CCZ1B: variants seen among roughly 807,000 people sequenced by gnomAD.
CCZ1B encodes CCZ1B vacuolar protein trafficking and biogenesis associated, also known as vacuolar fusion protein CCZ1 homolog B.
CCZ1B carries 25 observed loss-of-function variants against 58.8 expected under a neutral mutation model. That is an observed-to-expected ratio of 0.43 (90% CI 0.31 to 0.59). CCZ1B has a LOEUF of 0.59. CCZ1B is among the 20% of genes least tolerant of loss of function. The pLI is 0.12. For missense variants in CCZ1B, 180 were observed against 501.5 expected, an observed-to-expected ratio of 0.36 and a Z score of 6.12; for synonymous variants, 66 against 173.2, an observed-to-expected ratio of 0.38 and a Z score of 4.86.
At chr7:6,821,320 T>C (rs1239011015) in intron 6 of CCZ1B, among the ~76,000 whole-genome samples, 1 of 150,472 alleles carries the variant, frequency 6.6e-6, no homozygotes, top group Non-Finnish European at 1.5e-5. Flanking sequence ...AAGAGTGCCA[T>C]CTTATACTAA....
chr7:6,800,746 C>T (rs1307421321), intron 14 of CCZ1B, among the ~76,000 whole-genome samples: 1 of 138,956 alleles, frequency 7.2e-6, no homozygotes, highest in Non-Finnish European at 1.5e-5. Flanking sequence ...TTTCTTTCTG[C>T]CATTGCCAAG....
rs182591823 is a variant in CCZ1B, at chr7:6,825,171, C to T, written c.121-434G>A. Among the ~76,000 whole-genome samples, 291 of 149,168 alleles carry T rather than the reference C, an allele frequency of 2.0e-3. 15 individuals are homozygous for T. Among genetic ancestry groups the T allele is most frequent in the African/African-American group, 7.2e-3 (285 of 39,312 alleles). ...ATGCTTGTAAGAAGTAAAGGTGTGC[C>T]CATCTGCAGACACATAGCTCCCTGA... is the stretch of plus-strand genomic sequence containing the variant. On this transcript the variant is annotated intron_variant, in intron 1 of 14. Coordinates refer to ENST00000316731, the MANE Select transcript of CCZ1B (RefSeq NM_198097.5).
chr7:6,820,481 ATTT>A (rs1373094438), intron 6 of CCZ1B, among the ~76,000 whole-genome samples: 1 of 142,110 alleles, frequency 7.0e-6, no homozygotes, highest in Non-Finnish European at 1.5e-5. Flanking sequence ...CTGGCCAAAA[ATTT>A]TTTTTTTTTT....
At chr7:6,813,570 G>C (rs1370497370) in intron 8 of CCZ1B, among the ~76,000 whole-genome samples, 3 of 149,276 alleles carry the variant, frequency 2.0e-5, no homozygotes, top group African/African-American at 5.1e-5. Context: ...TGGAGAGCGG[G>C]AGGACAAGAG....
At chr7:6,819,358 C>A (rs1162371534) in intron 7 of CCZ1B, among the ~76,000 whole-genome samples, 2 of 147,576 alleles carry the variant, frequency 1.4e-5, no homozygotes, top group East Asian at 3.9e-4. Context: ...GCCTCAGCCT[C>A]CTGAGTAGCT....
chr7:6,816,529 T>G (rs1783002554), intron 7 of CCZ1B, among the ~76,000 whole-genome samples: 1 of 150,492 alleles, frequency 6.6e-6, no homozygotes, highest in African/African-American at 2.5e-5. Flanking sequence ...TACATAAGGG[T>G]AATATATACT....
chr7:6,812,856 G>A (rs1224588145), intron 9 of CCZ1B, 120 bp downstream of exon 9: 9 of 1,545,756 alleles, frequency 5.8e-6, no homozygotes, highest in Middle Eastern at 3.7e-4. Flanking sequence ...AGCCCGGGGA[G>A]GCAGAGGTTG....
intron 6 of CCZ1B, among the ~76,000 whole-genome samples, chr7:6,821,551 C>G (rs1783110689): frequency 6.6e-6 from 1 of 152,220 alleles, no homozygotes. Context: ...AAAATAGATA[C>G]AGAAGGTATT....
chr7:6,817,376 C>T (rs1783022733), intron 7 of CCZ1B, among the ~76,000 whole-genome samples: 1 of 151,106 alleles, frequency 6.6e-6, no homozygotes, highest in African/African-American at 2.5e-5. Flanking sequence ...CAGGAGTTTG[C>T]ACCCATGGCG....
chr7:6,810,101 T>A (rs1293889933), intron 10 of CCZ1B, among the ~76,000 whole-genome samples: 2 of 150,646 alleles, frequency 1.3e-5, no homozygotes, highest in East Asian at 3.9e-4. Context: ...AACCTCCGCC[T>A]CGCGGGTACA....
rs139989154 is a variant in CCZ1B at position 6,820,050 on chromosome 7, A to G, written c.523-109T>C. On this transcript the variant is annotated intron_variant, in intron 6 of 14. Transcript: ENST00000316731. ...AGACTCACATTTATGGTACAATTACATACTAGCAAACAGCACAACAATGAG... is the reference window on the plus strand; with the variant it reads ...AGACTCACATTTATGGTACAATTACGTACTAGCAAACAGCACAACAATGAG... The G allele has an allele frequency of 1.8e-3, 2,385 of 1,348,026 alleles. 100 individuals carry two copies. The highest frequency in any genetic ancestry group is 0.014 in the African/African-American group (949 of 66,546). 83.5% of individuals were successfully genotyped at this position (1,348,026 alleles called of 1,614,324 possible).
At chr7:6,816,498 C>T (rs1400308836) in intron 7 of CCZ1B, among the ~76,000 whole-genome samples, 1 of 149,838 alleles carries the variant, frequency 6.7e-6, no homozygotes, top group East Asian at 1.9e-4. Context: ...AAAAAAAAAT[C>T]AAAGCAATAT....
At chr7:6,817,243 G>A (rs556619099) in intron 7 of CCZ1B, among the ~76,000 whole-genome samples, 49 of 151,582 alleles carry the variant, frequency 3.2e-4, no homozygotes, top group Middle Eastern at 6.8e-3. Context: ...AGAGCTGGGC[G>A]CCAGATTGTC....
rs1344576097 is a variant in CCZ1B at position 6,812,391 on chromosome 7, A to AG, written c.843-329dup. The AG allele has an allele frequency of 4.8e-5, 16 of 335,620 alleles. 1 individual carries two copies. The highest frequency in any genetic ancestry group is 7.9e-5 in the Non-Finnish European group (14 of 176,566). 20.8% of individuals were successfully genotyped at this position (335,620 alleles called of 1,614,324 possible). A position where few individuals can be genotyped will look rare whatever the true frequency, so the allele number is the denominator to read the frequency against. ...GCAATCCCAGCTACTAGAGAGGCTG[A>AG]GGCAGGGGAATTGCTTGAACCCAGG... is the stretch of plus-strand genomic sequence containing the variant. On this transcript the variant is annotated intron_variant, in intron 9 of 14. Transcript: ENST00000316731.
intron 7 of CCZ1B, among the ~76,000 whole-genome samples, chr7:6,818,727 G>GAAAGAAAGAAAT (rs1562431565): frequency 4.3e-5 from 6 of 140,798 alleles, no homozygotes; most frequent in East Asian, 2.3e-4. Flanking sequence ...AAGAAAGAAA[G>GAAAGAAAGAAAT]AAAGAAAGAA....
intron 8 of CCZ1B, among the ~76,000 whole-genome samples, chr7:6,813,935 C>T (rs1043831478): frequency 6.7e-6 from 1 of 148,798 alleles, no homozygotes; most frequent in Non-Finnish European, 1.5e-5. Flanking sequence ...CACCTGAGGT[C>T]AGGAGTTCGA....
chr7:6,817,420 A>G (rs1197356200), intron 7 of CCZ1B, among the ~76,000 whole-genome samples: 7 of 150,500 alleles, frequency 4.7e-5, no homozygotes, highest in Non-Finnish European at 1.0e-4. Context: ...TCAGAATCTC[A>G]GCTACCCTTC....
At chr7:6,803,798 C>T (rs1357337001) in intron 12 of CCZ1B, among the ~76,000 whole-genome samples, 1 of 151,194 alleles carries the variant, frequency 6.6e-6, no homozygotes, top group Admixed American at 6.6e-5. Context: ...CCAGTCTCTA[C>T]AAAAATACAA....
At chr7:6,803,881 G>A (rs1252281650) in intron 12 of CCZ1B, among the ~76,000 whole-genome samples, 4 of 149,686 alleles carry the variant, frequency 2.7e-5, no homozygotes, top group East Asian at 2.0e-4. Flanking sequence ...CCTGGGAGGC[G>A]GAGGTTGCAG....
Sources: allele counts gnomAD v4.1 joint callset (sites outside exome capture counted in the v4.1 genomes callset), GRCh38; gene constraint gnomAD v4.1.1; transcripts MANE v1.5; gene names NCBI Gene and HGNC (gene_info 2026-07-23, HGNC 2026-07-21).